TMEM108: variants seen among roughly 807,000 people sequenced by gnomAD.
TMEM108 encodes the protein cancer/testis antigen 124.
Under a neutral mutation model 35.1 loss-of-function variants are expected in TMEM108, and 12 were observed. The observed-to-expected ratio is 0.34, with a 90% CI of 0.22 to 0.55. TMEM108 has a LOEUF of 0.55. TMEM108 is among the 20% of genes least tolerant of loss of function. TMEM108 has a pLI of 0.89. For synonymous variants in TMEM108, 287 were observed against 308.6 expected (o/e 0.93, Z 0.73); for missense variants, 680 against 753.3 (o/e 0.90, Z 1.14).
chr3:133,312,477 G>T (rs891307503), intron 3 of TMEM108, among the ~76,000 whole-genome samples: 1 of 152,224 alleles, frequency 6.6e-6, no homozygotes, highest in Non-Finnish European at 1.5e-5. Context: ...CAGCCTCGTG[G>T]GTCAATCTCA....
At chr3:133,159,576 A>T (rs994312200) in intron 2 of TMEM108, among the ~76,000 whole-genome samples, 3 of 152,188 alleles carry the variant, frequency 2.0e-5, no homozygotes, top group Non-Finnish European at 4.4e-5. Flanking sequence ...TATGATGATG[A>T]TAACCCATAC....
At chr3:133,194,943 A>G (rs1030768596) in intron 2 of TMEM108, among the ~76,000 whole-genome samples, 8 of 152,192 alleles carry the variant, frequency 5.3e-5, no homozygotes, top group Non-Finnish European at 1.2e-4. Flanking sequence ...ATGTCTCTCA[A>G]AGGACAATAG....
intron 2 of TMEM108, among the ~76,000 whole-genome samples, chr3:133,226,177 A>G (rs1427117668): frequency 6.6e-6 from 1 of 152,194 alleles, no homozygotes; most frequent in Non-Finnish European, 1.5e-5. Context: ...CTGGGTTAAG[A>G]TAATTGGTGG....
chr3:133,265,945 T>C (rs1442060972), intron 3 of TMEM108, among the ~76,000 whole-genome samples: 1 of 152,220 alleles, frequency 6.6e-6, no homozygotes, highest in Non-Finnish European at 1.5e-5. Flanking sequence ...GCCTCTTATA[T>C]CAAGACCTGT....
intron 3 of TMEM108, among the ~76,000 whole-genome samples, chr3:133,337,840 A>T (rs1363851274): frequency 6.6e-6 from 1 of 152,214 alleles, no homozygotes; most frequent in Non-Finnish European, 1.5e-5. Context: ...TGTATCAGAT[A>T]AATTCAACAA....
chr3:133,382,999 T>C (rs1030056662), intron 4 of TMEM108, among the ~76,000 whole-genome samples: 4 of 152,198 alleles, frequency 2.6e-5, no homozygotes, highest in African/African-American at 9.7e-5. Flanking sequence ...AGCTTTATTG[T>C]CTCTCATGAA....
In TMEM108 at chr3:133,148,960, G is replaced by A. The variant is rs147502164; in HGVS notation, c.-46-80306G>A. ...TGCAGTGAGCCAAAATTATGCCACT[G>A]CACTCCAGCCTGGGTGACAGAGGGA... On this transcript the variant is annotated intron_variant, in intron 2 of 5. Transcript: ENST00000321871. 5.5e-3 allele frequency among the ~76,000 whole-genome samples: 837 copies of A among 152,300 alleles called. 3 individuals carry two copies. The highest frequency in any genetic ancestry group is 7.6e-3 in the Non-Finnish European group (516 of 68,032).
At chr3:133,146,400 A>G (rs1004223268) in intron 2 of TMEM108, among the ~76,000 whole-genome samples, 2 of 152,232 alleles carry the variant, frequency 1.3e-5, no homozygotes, top group African/African-American at 4.8e-5. Flanking sequence ...ATCAATGTTC[A>G]TCAGGGGTAT....
chr3:133,373,723 G>A (rs1332997670), intron 3 of TMEM108, among the ~76,000 whole-genome samples: 1 of 152,214 alleles, frequency 6.6e-6, no homozygotes, highest in African/African-American at 2.4e-5. Flanking sequence ...CAGACTTAGT[G>A]TGCTTAGATG....
intron 2 of TMEM108, among the ~76,000 whole-genome samples, chr3:133,213,825 C>T (rs1451360031): frequency 1.3e-5 from 2 of 152,134 alleles, no homozygotes; most frequent in Non-Finnish European, 2.9e-5. Flanking sequence ...TTCTGTTATT[C>T]AAGTTGCATC....
intron 2 of TMEM108, among the ~76,000 whole-genome samples, chr3:133,108,737 A>T (rs1156405115): frequency 6.6e-6 from 1 of 151,486 alleles, no homozygotes; most frequent in African/African-American, 2.4e-5. Context: ...TATCGCAAGG[A>T]CGAAAAACCA....
intron 2 of TMEM108, among the ~76,000 whole-genome samples, chr3:133,121,971 G>T (rs922914139): frequency 6.6e-6 from 1 of 152,210 alleles, no homozygotes; most frequent in Non-Finnish European, 1.5e-5. Context: ...AAGAAGAGAA[G>T]TTTCTCTTCA....
intron 2 of TMEM108, among the ~76,000 whole-genome samples, chr3:133,177,773 C>CAG (rs1945260103): frequency 2.0e-5 from 3 of 152,146 alleles, no homozygotes; most frequent in African/African-American, 7.2e-5. Context: ...TGCCCTCTCT[C>CAG]ACCACTCCTA....
chr3:133,394,076 A>G (rs1406086447), intron 5 of TMEM108, among the ~76,000 whole-genome samples: 1 of 152,152 alleles, frequency 6.6e-6, no homozygotes, highest in Non-Finnish European at 1.5e-5. Context: ...ATTTGTTCCA[A>G]TTCTCTGGGC....
At chr3:133,338,597 A>G (rs1180507945) in intron 3 of TMEM108, among the ~76,000 whole-genome samples, 1 of 152,146 alleles carries the variant, frequency 6.6e-6, no homozygotes, top group East Asian at 1.9e-4. Context: ...AATGAACAAT[A>G]AGACATCATC....
At chr3:133,342,697 A>C (rs2071702371) in intron 3 of TMEM108, among the ~76,000 whole-genome samples, 1 of 150,604 alleles carries the variant, frequency 6.6e-6, no homozygotes, top group Admixed American at 6.6e-5. Context: ...GTCATGTGGG[A>C]GCTAAAGTTG....
chr3:133,356,881 G>A (rs2072189483), intron 3 of TMEM108, among the ~76,000 whole-genome samples: 1 of 152,140 alleles, frequency 6.6e-6, no homozygotes, highest in South Asian at 2.1e-4. Context: ...GATAACGTTG[G>A]AAAATCTCTT....
intron 3 of TMEM108, among the ~76,000 whole-genome samples, chr3:133,278,386 A>G (rs948023713): frequency 6.6e-6 from 1 of 152,224 alleles, no homozygotes; most frequent in Non-Finnish European, 1.5e-5. Context: ...TGGATTAATC[A>G]AGTGAGATAA....
At chr3:133,302,568 C>T (rs1947244194) in intron 3 of TMEM108, among the ~76,000 whole-genome samples, 1 of 151,502 alleles carries the variant, frequency 6.6e-6, no homozygotes, top group Non-Finnish European at 1.5e-5. Flanking sequence ...ACTACAGGCA[C>T]CCGCCACCAT....
Sources: allele counts gnomAD v4.1 joint callset (sites outside exome capture counted in the v4.1 genomes callset), GRCh38; gene constraint gnomAD v4.1.1; transcripts MANE v1.5; gene names NCBI Gene and HGNC (gene_info 2026-07-23, HGNC 2026-07-21).